DRC10: variants seen among roughly 807,000 people sequenced by gnomAD.
DRC10 encodes the protein IQ domain-containing protein D.
the DRC10 span, among the ~76,000 whole-genome samples, chr12:113,215,933 G>A: frequency 2.6e-5 from 4 of 152,154 alleles, no homozygotes; most frequent in African/African-American, 9.7e-5. Context: ...AACATGGTGC[G>A]GCCACTTGGG....
chr12:113,207,347 T>TAA, the DRC10 span: 2 of 1,031,270 alleles, frequency 1.9e-6, no homozygotes, highest in Non-Finnish European at 3.0e-6. Flanking sequence ...GACTCCATCT[T>TAA]AAAAAAAAAA....
the DRC10 span, among the ~76,000 whole-genome samples, chr12:113,214,600 G>A: frequency 6.6e-6 from 1 of 152,050 alleles, no homozygotes; most frequent in South Asian, 2.1e-4. Flanking sequence ...TTACCAACAG[G>A]CTTGTCTCCT....
chr12:113,203,519 A>G, the DRC10 span, among the ~76,000 whole-genome samples: 1 of 134,896 alleles, frequency 7.4e-6, no homozygotes, highest in Admixed American at 8.2e-5. Flanking sequence ...TCTGTCGCAC[A>G]GGCTGGAGTA....
At chr12:113,198,144 G>A in the DRC10 span, among the ~76,000 whole-genome samples, 1 of 152,154 alleles carries the variant, frequency 6.6e-6, no homozygotes, top group Admixed American at 6.5e-5. Context: ...TTGAACCCAG[G>A]AGGCAGAGTT....
the DRC10 span, chr12:113,208,520 A>C: frequency 3.9e-6 from 1 of 258,732 alleles, no homozygotes; most frequent in Non-Finnish European, 7.0e-6. Context: ...CTAAGGATTT[A>C]AAACCAGAGA....
chr12:113,218,030 G>A, the DRC10 span, among the ~76,000 whole-genome samples: 3 of 152,190 alleles, frequency 2.0e-5, no homozygotes, highest in Non-Finnish European at 2.9e-5. Context: ...CTTGTAGGTA[G>A]AGGCTCGTAA....
the DRC10 span, among the ~76,000 whole-genome samples, chr12:113,215,365 G>A: frequency 1.3e-5 from 2 of 152,120 alleles, no homozygotes; most frequent in African/African-American, 2.4e-5. Context: ...AAAGTGTTAC[G>A]CTTTTATGAC....
At chr12:113,210,732 T>TC in the DRC10 span, among the ~76,000 whole-genome samples, 1 of 147,844 alleles carries the variant, frequency 6.8e-6, no homozygotes, top group Admixed American at 6.8e-5. Context: ...CTTCATCTCT[T>TC]CCCCCTTATC....
chr12:113,213,195 A>C, the DRC10 span, among the ~76,000 whole-genome samples: 25 of 151,262 alleles, frequency 1.7e-4, no homozygotes, highest in Admixed American at 3.9e-4. Flanking sequence ...AAAAAAAAAA[A>C]AAAAAAAAAC....
the DRC10 span, among the ~76,000 whole-genome samples, chr12:113,209,663 C>G: frequency 6.6e-6 from 1 of 152,226 alleles, no homozygotes; most frequent in African/African-American, 2.4e-5. Context: ...GGAATACAGA[C>G]AGGAGCCACC....
At chr12:113,212,357 C>T in the DRC10 span, among the ~76,000 whole-genome samples, 1 of 152,088 alleles carries the variant, frequency 6.6e-6, no homozygotes, top group Admixed American at 6.5e-5. Context: ...GCGTGAGCCA[C>T]CATGCCCAGC....
chr12:113,206,507 C>G, the DRC10 span, among the ~76,000 whole-genome samples: 1 of 152,084 alleles, frequency 6.6e-6, no homozygotes, highest in Non-Finnish European at 1.5e-5. Flanking sequence ...CTGGACACAG[C>G]AGTAGGGTGG....
the DRC10 span, among the ~76,000 whole-genome samples, chr12:113,201,151 G>C: frequency 6.2e-3 from 933 of 151,556 alleles, 10 homozygotes; most frequent in African/African-American, 0.021. Flanking sequence ...AAAAAAAAAA[G>C]CAACTCTCCA....
At chr12:113,220,324 T>C in the DRC10 span, among the ~76,000 whole-genome samples, 1 of 152,172 alleles carries the variant, frequency 6.6e-6, no homozygotes, top group African/African-American at 2.4e-5. Context: ...GGCGCTATCT[T>C]GGCTTACTGC....
chr12:113,213,058 G>A, the DRC10 span, among the ~76,000 whole-genome samples: 1 of 150,158 alleles, frequency 6.7e-6, no homozygotes, highest in Admixed American at 6.7e-5. Context: ...AATATTTTGA[G>A]GAAAAAAAAG....
At chr12:113,199,124 A>C in the DRC10 span, among the ~76,000 whole-genome samples, 4 of 151,974 alleles carry the variant, frequency 2.6e-5, no homozygotes, top group Admixed American at 6.6e-5. Flanking sequence ...TTTAGTAGAG[A>C]CAGGGTTTCA....
At chr12:113,200,532 C>A in the DRC10 span, 1 of 1,192,686 alleles carries the variant, frequency 8.4e-7, no homozygotes, top group Non-Finnish European at 1.2e-6. Context: ...CCACCCATCC[C>A]CCCCACCAGG....
the DRC10 span, among the ~76,000 whole-genome samples, chr12:113,204,015 G>A: frequency 2.0e-5 from 3 of 152,072 alleles, no homozygotes; most frequent in South Asian, 4.1e-4. Flanking sequence ...CTGAGGCAGG[G>A]AGATTGCTTG....
chr12:113,205,746 G>A, the DRC10 span, among the ~76,000 whole-genome samples: 13 of 146,916 alleles, frequency 8.8e-5, no homozygotes, highest in East Asian at 4.1e-4. Flanking sequence ...AAAATTAGCC[G>A]GGCGCGGTGG....
Sources: allele counts gnomAD v4.1 joint callset (sites outside exome capture counted in the v4.1 genomes callset), GRCh38; gene constraint gnomAD v4.1.1; transcripts MANE v1.5; gene names NCBI Gene and HGNC (gene_info 2026-07-23, HGNC 2026-07-21).